LAMA3: variants seen among roughly 807,000 people sequenced by gnomAD.
LAMA3 encodes laminin subunit alpha-3.
Under a neutral mutation model 402.0 loss-of-function variants are expected in LAMA3, and 281 were observed. That is an observed-to-expected ratio of 0.70 (90% CI 0.63 to 0.77). LAMA3 has a LOEUF of 0.77. Ranked by LOEUF, LAMA3 falls within the 30% of genes least tolerant of loss-of-function variation. The pLI is 0.00. For synonymous variants in LAMA3, 1,431 were observed against 1,558.4 expected (o/e 0.92, Z 1.93); for missense variants, 3,840 against 4,215.5 (o/e 0.91, Z 2.47).
At position 23,691,936 on chromosome 18, in the gene LAMA3, A is replaced by C. The variant is rs367622217; in HGVS notation, c.294+1959A>C. Among the ~76,000 whole-genome samples the C allele has an allele frequency of 1.4e-4, 21 of 152,370 alleles. No individual in the cohort carries two copies. The South Asian group carries it at 4.3e-3, about 32-fold the overall frequency. On this transcript the variant is annotated intron_variant, in intron 1 of 74. Transcript: ENST00000313654. ...TGAAAAGATACCTAAAAAAATATGT[A>C]GATTCAAATGGAAGAACTGCATTGA...
intron 31 of LAMA3, 96 bp downstream of exon 31, chr18:23,846,604 C>CT (rs1399464761): frequency 2.1e-5 from 24 of 1,118,878 alleles, no homozygotes; most frequent in Non-Finnish European, 3.0e-5. Flanking sequence ...GTGCTAGAGA[C>CT]TCACCTGGAG....
rs769670911 is a variant in LAMA3 at position 23,845,100 on chromosome 18, G to T, written c.3695G>T (p.Cys1232Phe). The change falls in exon 30 of 75, where the codon TGT becomes TTT. Residue 1232 changes from cysteine to phenylalanine, a missense_variant. Cys to Phe is a radical substitution (Grantham distance 205). Transcript: ENST00000313654. ...AAGTCACTCGAGTTTATCACCAATT[G>T]TGGAAAAAACAGCTTTTACCTTGAG... ...MDKSLEFITN[C>F]GKNSFYLDPQ... 1.2e-6 allele frequency: 2 copies of T among 1,609,586 alleles called. No individual in the cohort carries two copies. Among genetic ancestry groups the T allele is most frequent in the Non-Finnish European group, 1.7e-6 (2 of 1,175,864 alleles).
At chr18:23,763,274 C>T (rs1568158471) in intron 7 of LAMA3, 131 bp from the exon 8 acceptor site, 1 of 685,856 alleles carries the variant, frequency 1.5e-6, no homozygotes, top group Non-Finnish European at 2.7e-6. Flanking sequence ...TAAAAATTTT[C>T]CCCTAAGAGT....
intron 38 of LAMA3, chr18:23,873,270 C>T (rs2064593097): frequency 2.7e-6 from 4 of 1,473,766 alleles, no homozygotes; most frequent in Admixed American, 1.7e-5. Flanking sequence ...AGCTTTGTGA[C>T]ATTTTAAGTT....
intron 2 of LAMA3, among the ~76,000 whole-genome samples, chr18:23,727,728 TTTTC>T (rs1237545151): frequency 2.6e-5 from 4 of 152,106 alleles, no homozygotes; most frequent in African/African-American, 9.7e-5. Context: ...GTAACTTTTC[TTTTC>T]TTTCTGTTTT....
intron 8 of LAMA3, among the ~76,000 whole-genome samples, chr18:23,770,180 A>T (rs563365939): frequency 3.3e-5 from 5 of 152,348 alleles, no homozygotes; most frequent in African/African-American, 9.6e-5. Flanking sequence ...TTGGCAATTT[A>T]TAAAACTAGA....
intron 44 of LAMA3, among the ~76,000 whole-genome samples, chr18:23,896,880 A>G (rs2080893271): frequency 6.6e-6 from 1 of 152,208 alleles, no homozygotes; most frequent in South Asian, 2.1e-4. Context: ...AGCACTAGAC[A>G]GGGCCCAGAG....
At chr18:23,911,763 T>A (rs1226184116) in intron 55 of LAMA3, among the ~76,000 whole-genome samples, 1 of 147,508 alleles carries the variant, frequency 6.8e-6, no homozygotes, top group Non-Finnish European at 1.5e-5. Context: ...AATATTTTAA[T>A]ATATAAGTAT....
intron 68 of LAMA3, among the ~76,000 whole-genome samples, chr18:23,941,604 T>C (rs1050204973): frequency 2.6e-5 from 4 of 152,198 alleles, no homozygotes; most frequent in Admixed American, 6.5e-5. Context: ...ATTCTAGCAG[T>C]GTTCTGACAC....
chr18:23,755,444 A>G (rs1177200472), intron 6 of LAMA3, among the ~76,000 whole-genome samples: 1 of 152,220 alleles, frequency 6.6e-6, no homozygotes, highest in Non-Finnish European at 1.5e-5. Flanking sequence ...CTTCTGCCCA[A>G]CAGGCTGAAC....
Position 23,846,428 on chromosome 18 carries a change from A to G in LAMA3, c.3851A>G (p.Gln1284Arg). ...CCTCACTGCAGCCCTGAGGGTGGGC[A>G]GTGCCCATGCCAGCCCAACGTCATC... ...TGPHCSPEGG[Q>R]CPCQPNVIGR... Residue 1284 changes from glutamine (Q) to arginine (R), a missense_variant, in exon 31 of 75, where the codon CAG becomes CGG. By Grantham distance (43) the Gln-to-Arg change is conservative (BLOSUM62 1). Around this residue, in one of 3 missense-constraint regions of LAMA3, gnomAD observed 2,109 missense variants for 2,376.0 expected, o/e 0.89. Transcript: ENST00000313654. 2 of 1,613,948 alleles carry G rather than the reference A, an allele frequency of 1.2e-6. No individual in the cohort carries two copies. Among genetic ancestry groups the G allele is most frequent in the Non-Finnish European group, 1.7e-6 (2 of 1,180,008 alleles).
intron 11 of LAMA3, among the ~76,000 whole-genome samples, chr18:23,781,530 C>T (rs903373887): frequency 3.3e-5 from 5 of 152,184 alleles, no homozygotes; most frequent in African/African-American, 1.2e-4. Flanking sequence ...AGCCATTAGG[C>T]CCCAAAGCCT....
Position 23,827,485 on chromosome 18 carries a change from T to G in LAMA3, c.2823+18T>G. The G allele has an allele frequency of 6.2e-7, 1 of 1,613,350 alleles. No individual in the cohort carries two copies. The highest frequency in any genetic ancestry group is 8.5e-7 in the Non-Finnish European group (1 of 1,179,836). On this transcript the variant is annotated intron_variant, in intron 23 of 74. Transcript: ENST00000313654. Reference sequence around the variant, plus strand: ...GGAGAGAGGTGGGCCAGCCTTTTATTTATTATCAAAGTTATTACTACCTCC... The same window carrying G: ...GGAGAGAGGTGGGCCAGCCTTTTATGTATTATCAAAGTTATTACTACCTCC...
chr18:23,750,302 A>C (rs1028368126), intron 4 of LAMA3, among the ~76,000 whole-genome samples: 1 of 152,166 alleles, frequency 6.6e-6, no homozygotes, highest in Non-Finnish European at 1.5e-5. Flanking sequence ...CCCTCTCTTT[A>C]AGTAGAGAGA....
intron 29 of LAMA3, among the ~76,000 whole-genome samples, chr18:23,843,554 G>A (rs542790267): frequency 6.6e-6 from 1 of 152,250 alleles, no homozygotes; most frequent in East Asian, 1.9e-4. Context: ...GGCAGGGCCA[G>A]CCTCCTGGCA....
chr18:23,698,414 A>C (rs928124681), intron 1 of LAMA3, among the ~76,000 whole-genome samples: 1 of 151,958 alleles, frequency 6.6e-6, no homozygotes, highest in African/African-American at 2.4e-5. Flanking sequence ...ACCGTGTTAG[A>C]CAGGATGGTC....
At position 23,941,102 on chromosome 18, in the gene LAMA3, A is replaced by G. The variant is rs542619599; in HGVS notation, c.9026+1716A>G. ...AGGCACCCGCCACCACGCCCGGCTA[A>G]TTTTTTTGTATTTTTATTAGAGATG... On this transcript the variant is annotated intron_variant, in intron 68 of 74. Transcript: ENST00000313654. 5.2e-4 allele frequency among the ~76,000 whole-genome samples: 78 copies of G among 151,122 alleles called. No homozygotes were observed. In the South Asian group the frequency reaches 9.1e-3, roughly 18 times the overall value.
intron 23 of LAMA3, 36 bp from the exon 24 acceptor site, chr18:23,833,792 C>T (rs1257246809): frequency 6.2e-7 from 1 of 1,610,970 alleles, no homozygotes; most frequent in Admixed American, 1.7e-5. Flanking sequence ...CATGTCACAG[C>T]TGGATCACAG....
At chr18:23,800,260 A>G (rs1359531518) in intron 12 of LAMA3, among the ~76,000 whole-genome samples, 2 of 152,230 alleles carry the variant, frequency 1.3e-5, no homozygotes, top group African/African-American at 4.8e-5. Flanking sequence ...CCCTTTCCCC[A>G]GAAGAAGAAA....
Sources: allele counts gnomAD v4.1 joint callset (sites outside exome capture counted in the v4.1 genomes callset), GRCh38; gene constraint gnomAD v4.1.1; regional missense constraint gnomAD v4.1.1; transcripts MANE v1.5; gene names NCBI Gene and HGNC (gene_info 2026-07-23, HGNC 2026-07-21).